UACA: variants seen among roughly 807,000 people sequenced by gnomAD.
UACA encodes nuclear membrane binding protein.
Under a neutral mutation model 160.5 loss-of-function variants are expected in UACA, and 112 were observed. The ratio of observed to expected loss-of-function variants is 0.70; its 90% CI spans 0.60 to 0.82. The LOEUF is 0.82. UACA is among the 40% of genes least tolerant of loss of function. UACA has a pLI of 0.00. For missense variants in UACA, 1,574 were observed against 1,614.6 expected (o/e 0.97, Z 0.43); for synonymous variants, 557 against 568.4 (o/e 0.98, Z 0.29).
intron 3 of UACA, among the ~76,000 whole-genome samples, chr15:70,692,122 C>A (rs761076581): frequency 6.6e-6 from 1 of 152,172 alleles, no homozygotes; most frequent in Non-Finnish European, 1.5e-5. Flanking sequence ...CAACTTCTAA[C>A]ATTTAATGCT....
chr15:70,691,183 C>T, intron 4 of UACA, 116 bp downstream of exon 4: 1 of 650,796 alleles, frequency 1.5e-6, no homozygotes, highest in South Asian at 3.0e-5. Flanking sequence ...TATGTAAGCT[C>T]ATAGTCAAAG....
intron 1 of UACA, among the ~76,000 whole-genome samples, chr15:70,753,089 T>G (rs2030189253): frequency 6.6e-6 from 1 of 152,150 alleles, no homozygotes; most frequent in East Asian, 1.9e-4. Context: ...AGACAGACAT[T>G]ACTCTAAAGC....
intron 1 of UACA, among the ~76,000 whole-genome samples, chr15:70,719,920 C>T (rs935408047): frequency 6.6e-6 from 1 of 152,104 alleles, no homozygotes; most frequent in African/African-American, 2.4e-5. Context: ...CCTTTCTTCC[C>T]CCTTATTTAT....
At chr15:70,694,271 A>G (rs1898046391) in intron 3 of UACA, among the ~76,000 whole-genome samples, 1 of 152,240 alleles carries the variant, frequency 6.6e-6, no homozygotes, top group East Asian at 1.9e-4. Context: ...AAATACTTAA[A>G]GGTCTACATT....
intron 13 of UACA, 23 bp downstream of exon 13, chr15:70,676,470 G>T (rs2140921034): frequency 6.7e-7 from 1 of 1,497,828 alleles, no homozygotes; most frequent in Non-Finnish European, 9.3e-7. Flanking sequence ...TGAATTACAG[G>T]AAATAATTTA....
chr15:70,762,689 T>A (rs1052664592), intron 1 of UACA, among the ~76,000 whole-genome samples: 1 of 152,150 alleles, frequency 6.6e-6, no homozygotes, highest in African/African-American at 2.4e-5. Context: ...CTTCACCACC[T>A]CTAGGGTCAC....
chr15:70,657,047 T>C lies in UACA; in HGVS notation c.*9A>G. The C allele has an allele frequency of 6.2e-7, 1 of 1,613,364 alleles. No homozygotes were observed. Among genetic ancestry groups the C allele is most frequent in the South Asian group, 1.1e-5 (1 of 91,050 alleles). On this transcript the variant is annotated 3_prime_UTR_variant, in exon 19 of 19. Coordinates refer to ENST00000322954, the MANE Select transcript of UACA (RefSeq NM_018003.4). ...AGATAAAACAGATACTGGCAGTCAGTGCTAACGGCTAGCACACAAGCCCCT... is the reference window on the plus strand; with the variant it reads ...AGATAAAACAGATACTGGCAGTCAGCGCTAACGGCTAGCACACAAGCCCCT...
At chr15:70,751,464 A>G (rs1256833245) in intron 1 of UACA, among the ~76,000 whole-genome samples, 1 of 152,242 alleles carries the variant, frequency 6.6e-6, no homozygotes, top group Non-Finnish European at 1.5e-5. Context: ...TTAGCAATAT[A>G]AACATGTATT....
At position 70,727,240 on chromosome 15, in the gene UACA, T is replaced by A. The variant is rs1274740601; in HGVS notation, c.79-27580A>T. Among the ~76,000 whole-genome samples, 4 of 152,186 alleles carry A rather than the reference T, an allele frequency of 2.6e-5. No homozygotes were observed. In the South Asian group the frequency reaches 8.3e-4, roughly 31 times the overall value. ...AAAACCTCCTTCCGCCCATTCCTCTTCCCTGGCATATTTTGGGGAGAAGAG... is the reference window on the plus strand; with the variant it reads ...AAAACCTCCTTCCGCCCATTCCTCTACCCTGGCATATTTTGGGGAGAAGAG... On this transcript the variant is annotated intron_variant, in intron 1 of 18. Coordinates refer to ENST00000322954, the MANE Select transcript of UACA (RefSeq NM_018003.4).
At chr15:70,719,491 T>C (rs1449407114) in intron 1 of UACA, among the ~76,000 whole-genome samples, 2 of 152,144 alleles carry the variant, frequency 1.3e-5, no homozygotes, top group East Asian at 1.9e-4. Flanking sequence ...CAAAATAAAA[T>C]GCACATCTCA....
At chr15:70,756,526 C>A (rs1295414524) in intron 1 of UACA, among the ~76,000 whole-genome samples, 1 of 152,110 alleles carries the variant, frequency 6.6e-6, no homozygotes. Flanking sequence ...CTATCCCCAC[C>A]CACCCAAAGA....
At chr15:70,672,334 AAAGG>A (rs1206548017) in intron 13 of UACA, among the ~76,000 whole-genome samples, 1 of 152,200 alleles carries the variant, frequency 6.6e-6, no homozygotes, top group Non-Finnish European at 1.5e-5. Context: ...CTTTACCTCA[AAAGG>A]AAGGAAGTGG....
chr15:70,769,256 G>C, the UACA span, among the ~76,000 whole-genome samples: 1 of 145,720 alleles, frequency 6.9e-6, no homozygotes, highest in Non-Finnish European at 1.5e-5. Flanking sequence ...GGAGAATGGC[G>C]TGAACCCAGG....
At chr15:70,692,961 A>C (rs1351344902) in intron 3 of UACA, among the ~76,000 whole-genome samples, 1 of 152,178 alleles carries the variant, frequency 6.6e-6, no homozygotes, top group Admixed American at 6.5e-5. Context: ...TTTTTCAATA[A>C]GTACAGATAC....
At position 70,667,220 on chromosome 15, in the gene UACA, A is replaced by C. The variant is rs1213927961; in HGVS notation, c.3464T>G (p.Leu1155Trp). 1 of 1,613,786 alleles carries C rather than the reference A, an allele frequency of 6.2e-7. No homozygotes were observed. The highest frequency in any genetic ancestry group is 8.5e-7 in the Non-Finnish European group (1 of 1,179,966). The change falls in exon 16 of 19, where the codon TTG becomes TGG. Residue 1155 changes from leucine (L) to tryptophan (W), a missense_variant. By Grantham distance (61) the Leu-to-Trp change is moderately conservative. Coordinates refer to ENST00000322954, the MANE Select transcript of UACA (RefSeq NM_018003.4). ...EQQTVTKLHQLLENQKNSSVP... is the reference protein window; with the variant it reads ...EQQTVTKLHQWLENQKNSSVP... ...AGAAGAGTTCTTTTGATTCTCCAAC[A>C]ATTGATGCAGTTTGGTCACTGTCTG...
upstream of UACA, chr15:70,768,026 CTG>C (rs1158134806): frequency 5.9e-5 from 9 of 152,266 alleles, no homozygotes; most frequent in Admixed American, 5.9e-4. Context: ...TTAAAAGAAT[CTG>C]TATTTTTAGT....
intron 1 of UACA, chr15:70,749,374 A>C (rs1899811975): frequency 5.3e-6 from 1 of 189,958 alleles, no homozygotes; most frequent in Admixed American, 6.1e-5. Context: ...AAAATACAAA[A>C]AATTAGCCGG....
the UACA span, among the ~76,000 whole-genome samples, chr15:70,775,198 A>G: frequency 6.6e-6 from 1 of 152,234 alleles, no homozygotes; most frequent in African/African-American, 2.4e-5. Flanking sequence ...CCTATTAGAC[A>G]GCTGTTTTTT....
chr15:70,738,790 C>G (rs568191469), intron 1 of UACA, among the ~76,000 whole-genome samples: 1 of 152,256 alleles, frequency 6.6e-6, no homozygotes, highest in East Asian at 1.9e-4. Context: ...AAAATAGCTA[C>G]AATTTATTAT....
Sources: gnomAD v4.1 joint callset for allele counts (sites outside exome capture counted in the v4.1 genomes callset) on GRCh38, gnomAD v4.1.1 for gene constraint, MANE v1.5 for transcripts, NCBI Gene and HGNC (gene_info 2026-07-23, HGNC 2026-07-21) for gene names.